DENND2A: variants seen among roughly 807,000 people sequenced by gnomAD.
DENND2A encodes the protein DENN domain containing 2A.
DENND2A carries 53 observed loss-of-function variants against 105.3 expected under a neutral mutation model. That is an observed-to-expected ratio of 0.50 (90% CI 0.40 to 0.63). The LOEUF is 0.63. Ranked by LOEUF, DENND2A falls within the 30% of genes least tolerant of loss-of-function variation. DENND2A has a pLI of 0.00. For synonymous variants in DENND2A, 522 were observed against 508.4 expected, an observed-to-expected ratio of 1.03 and a Z score of -0.36; for missense variants, 1,138 against 1,279.6, an observed-to-expected ratio of 0.89 and a Z score of 1.69.
chr7:140,610,179 T>C (rs915602564), intron 1 of DENND2A, among the ~76,000 whole-genome samples: 21 of 151,742 alleles, frequency 1.4e-4, no homozygotes, highest in Non-Finnish European at 2.6e-4. Context: ...CTATGTCACC[T>C]AGGCTGGTCT....
At chr7:140,562,183 C>T (rs963677857) in intron 9 of DENND2A, among the ~76,000 whole-genome samples, 3 of 152,030 alleles carry the variant, frequency 2.0e-5, no homozygotes, top group Non-Finnish European at 4.4e-5. Context: ...CCACCGCGCC[C>T]GGCCCGAGCT....
chr7:140,567,825 C>A (rs1276042074), intron 8 of DENND2A, among the ~76,000 whole-genome samples: 1 of 152,186 alleles, frequency 6.6e-6, no homozygotes, highest in Non-Finnish European at 1.5e-5. Context: ...ACTAACTCTG[C>A]AATGAAATGG....
intron 14 of DENND2A, among the ~76,000 whole-genome samples, chr7:140,542,143 C>A (rs757011585): frequency 3.3e-5 from 5 of 152,124 alleles, no homozygotes; most frequent in Non-Finnish European, 5.9e-5. Flanking sequence ...GCATCTCAGC[C>A]CTTCCTGGGG....
rs568762809 is a variant in DENND2A, at chr7:140,583,069, A to G, written c.1245+2520T>C. On this transcript the variant is annotated intron_variant, in intron 5 of 19. Coordinates refer to ENST00000496613, the MANE Select transcript of DENND2A (RefSeq NM_015689.5). ...CACTTTGGGAGGCTGAGGCGGGTAG[A>G]TCATGAGGTCAGGAGATCGAGACCA... 1.3e-3 allele frequency among the ~76,000 whole-genome samples: 191 copies of G among 152,098 alleles called. 1 individual carries two copies. Among genetic ancestry groups the G allele is most frequent in the Middle Eastern group, 3.4e-3 (1 of 294 alleles).
intron 1 of DENND2A, among the ~76,000 whole-genome samples, chr7:140,638,798 A>C (rs1801058125): frequency 6.6e-6 from 1 of 152,004 alleles, no homozygotes; most frequent in African/African-American, 2.4e-5. Context: ...CCCAAGCATC[A>C]CCTAATCTGT....
At position 140,615,684 on chromosome 7, in the gene DENND2A, C is replaced by T. The variant is rs553365863; in HGVS notation, c.-247-9878G>A. Among the ~76,000 whole-genome samples, 5 of 151,922 alleles carry T rather than the reference C, an allele frequency of 3.3e-5. No homozygotes were observed. In the South Asian group the frequency reaches 8.4e-4, roughly 25 times the overall value. ...CAGCTAGCTGTGACTGAGGCAAGAGCGCACCACCCTGTCCGGCTATTTTTT... is the reference window on the plus strand; with the variant it reads ...CAGCTAGCTGTGACTGAGGCAAGAGTGCACCACCCTGTCCGGCTATTTTTT... On this transcript the variant is annotated intron_variant, in intron 1 of 19. Transcript: ENST00000496613.
rs368763464 is a variant in DENND2A, at chr7:140,546,297, A to G, written c.2178+502T>C. Reference sequence around the variant, plus strand: ...GCCGGGTGTGGCAGCAGGCACCTGTAGTCTCAGCTACTTGGGAGGCTGAGG... The same window carrying G: ...GCCGGGTGTGGCAGCAGGCACCTGTGGTCTCAGCTACTTGGGAGGCTGAGG... On this transcript the variant is annotated intron_variant, in intron 13 of 19. Coordinates refer to ENST00000496613, the MANE Select transcript of DENND2A (RefSeq NM_015689.5). Among the ~76,000 whole-genome samples the G allele has an allele frequency of 2.6e-5, 4 of 152,108 alleles. No individual in the cohort carries two copies. In the East Asian group the frequency reaches 5.8e-4, roughly 22 times the overall value.
At chr7:140,535,460 C>T (rs147684754) in intron 14 of DENND2A, among the ~76,000 whole-genome samples, 338 of 152,230 alleles carry the variant, frequency 2.2e-3, no homozygotes, top group African/African-American at 7.6e-3. Flanking sequence ...TTACTCTCTG[C>T]GTGATCTCAG....
chr7:140,559,161 T>C lies in DENND2A; in HGVS notation c.1889+547A>G, dbSNP rs1237628184. Among the ~76,000 whole-genome samples the C allele has an allele frequency of 6.6e-6, 1 of 152,162 alleles. No homozygotes were observed. Among genetic ancestry groups the C allele is most frequent in the Non-Finnish European group, 1.5e-5 (1 of 68,026 alleles). ...TTCTGTGCCCCTCTTGGAATTGCCC[T>C]GGGGCAGCTCTCTCAGGGCATGGTC... is the stretch of plus-strand genomic sequence containing the variant. On this transcript the variant is annotated intron_variant, in intron 10 of 19. Coordinates refer to ENST00000496613, the MANE Select transcript of DENND2A (RefSeq NM_015689.5). The surrounding 1 kb of genome is among the most constrained non-coding windows in gnomAD (Gnocchi z 4.1).
intron 1 of DENND2A, among the ~76,000 whole-genome samples, chr7:140,619,389 T>C (rs999766650): frequency 2.6e-5 from 4 of 152,234 alleles, no homozygotes; most frequent in African/African-American, 9.6e-5. Flanking sequence ...GTGGGAGGAA[T>C]AAGGAGTGAC....
intron 14 of DENND2A, among the ~76,000 whole-genome samples, chr7:140,532,474 G>A (rs1244609600): frequency 4.6e-5 from 7 of 152,312 alleles, no homozygotes; most frequent in South Asian, 2.1e-4. Context: ...CAGTATTTGT[G>A]TTTAAGATTC....
At position 140,571,219 on chromosome 7, in the gene DENND2A, C is replaced by T. The variant is rs555872252; in HGVS notation, c.1447-1481G>A. The stretch of plus-strand genomic sequence containing the variant: ...CTGTCACCAGGCTGGAGTGCAGTGG[C>T]GTGATCTTGGCTCACCACAACCTCC... On this transcript the variant is annotated intron_variant, in intron 6 of 19. Coordinates refer to ENST00000496613, the MANE Select transcript of DENND2A (RefSeq NM_015689.5). Among the ~76,000 whole-genome samples the T allele has an allele frequency of 3.1e-4, 47 of 152,200 alleles. 1 individual carries two copies. The South Asian group carries it at 9.3e-3, about 30-fold the overall frequency.
rs576628545 is a variant in DENND2A at position 140,618,809 on chromosome 7, T to A, written c.-247-13003A>T. On this transcript the variant is annotated intron_variant, in intron 1 of 19. Coordinates refer to ENST00000496613, the MANE Select transcript of DENND2A (RefSeq NM_015689.5). ...TGTATGATTATATATTTCCTTTTTT[T>A]TTTTCTTTTTCTGAGACGGAGTCTT... 4.6e-4 allele frequency among the ~76,000 whole-genome samples: 70 copies of A among 152,236 alleles called. 2 individuals are homozygous for A. The South Asian group carries it at 0.014, about 30-fold the overall frequency.
chr7:140,571,375 T>C (rs1417721446), intron 6 of DENND2A, among the ~76,000 whole-genome samples: 1 of 152,164 alleles, frequency 6.6e-6, no homozygotes, highest in Non-Finnish European at 1.5e-5. Flanking sequence ...TTGGCCAGGC[T>C]GGTCTCGAAC....
intron 12 of DENND2A, among the ~76,000 whole-genome samples, chr7:140,550,747 A>G (rs1585607304): frequency 6.6e-6 from 1 of 151,900 alleles, no homozygotes; most frequent in African/African-American, 2.4e-5. Context: ...GGCGTGAGCC[A>G]CCGCGCCTGG....
chr7:140,602,163 T>C lies in DENND2A; in HGVS notation c.235A>G (p.Thr79Ala). Residue 79 changes from threonine (T) to alanine (A), a missense_variant, in exon 3 of 20, where the codon ACG becomes GCG. Around this residue, in one of 2 missense-constraint regions of DENND2A, gnomAD observed 511 missense variants for 499.9 expected, o/e 1.02. Transcript: ENST00000496613. ...CCATCACTACTCCTCCTCTCCACCGTAGAGGACGGCAGATAATCCTCCTGT... is the reference window on the plus strand; with the variant it reads ...CCATCACTACTCCTCCTCTCCACCGCAGAGGACGGCAGATAATCCTCCTGT... ...DGQEDYLPSS[T>A]VERRSSDGVR... 2 of 1,614,186 alleles carry C rather than the reference T, an allele frequency of 1.2e-6. No individual in the cohort carries two copies. The highest frequency in any genetic ancestry group is 8.5e-7 in the Non-Finnish European group (1 of 1,180,028).
chr7:140,628,701 G>A (rs541334349), intron 1 of DENND2A, among the ~76,000 whole-genome samples: 2 of 151,750 alleles, frequency 1.3e-5, no homozygotes, highest in East Asian at 1.9e-4. Context: ...CACCACGCCC[G>A]GCCAATTTTT....
intron 1 of DENND2A, among the ~76,000 whole-genome samples, chr7:140,625,738 C>T (rs1218551271): frequency 4.6e-5 from 7 of 152,114 alleles, no homozygotes; most frequent in African/African-American, 1.7e-4. Flanking sequence ...AAACATTAGC[C>T]ATGGGCTCCT....
At chr7:140,560,327 C>T (rs1287286576) in intron 9 of DENND2A, among the ~76,000 whole-genome samples, 2 of 152,134 alleles carry the variant, frequency 1.3e-5, no homozygotes, top group African/African-American at 4.8e-5. Context: ...AAGCGTGACA[C>T]CATCCAGCCT....
Sources: gnomAD v4.1 joint callset for allele counts (sites outside exome capture counted in the v4.1 genomes callset) on GRCh38, gnomAD v4.1.1 for gene constraint, gnomAD v4.1.1 regional missense constraint, Gnocchi (gnomAD v3.1) non-coding constraint, MANE v1.5 for transcripts, NCBI Gene and HGNC (gene_info 2026-07-23, HGNC 2026-07-21) for gene names.